PAN3: variants seen among roughly 807,000 people sequenced by gnomAD.
The protein encoded by PAN3 is poly(A) specific ribonuclease subunit PAN3, also known as PAN2-PAN3 deadenylation complex subunit PAN3.
PAN3 carries 19 observed loss-of-function variants against 96.2 expected under a neutral mutation model. The ratio of observed to expected loss-of-function variants is 0.20; its 90% CI spans 0.14 to 0.29. The LOEUF is 0.29. Ranked by LOEUF, PAN3 falls within the 10% of genes least tolerant of loss-of-function variation. The probability of loss-of-function intolerance (pLI) is 1.00; values close to 1 mark genes in which losing one functional copy is unlikely to be tolerated. For synonymous variants in PAN3, 433 were observed against 406.6 expected, an observed-to-expected ratio of 1.06 and a Z score of -0.78; for missense variants, 882 against 1,108.1, an observed-to-expected ratio of 0.80 and a Z score of 2.90.
At chr13:28,257,691 A>AAT (rs1173384487) in intron 7 of PAN3, among the ~76,000 whole-genome samples, 1 of 140,160 alleles carries the variant, frequency 7.1e-6, no homozygotes, top group South Asian at 2.1e-4. Context: ...AAATTATATA[A>AAT]ATATATATTA....
chr13:28,139,151 C>G, intron 1 of PAN3, 64 bp downstream of exon 1: 1 of 1,248,398 alleles, frequency 8.0e-7, no homozygotes, highest in Admixed American at 4.2e-5. Flanking sequence ...GGATGAGGCC[C>G]TGCTGCCGAC....
chr13:28,288,785 T>C (rs1869306179), intron 18 of PAN3, among the ~76,000 whole-genome samples: 1 of 152,122 alleles, frequency 6.6e-6, no homozygotes, highest in East Asian at 1.9e-4. Flanking sequence ...TTCCGAATCA[T>C]TGTGAGTTAT....
intron 1 of PAN3, among the ~76,000 whole-genome samples, chr13:28,170,406 G>A (rs990180785): frequency 1.3e-5 from 2 of 152,132 alleles, no homozygotes; most frequent in Admixed American, 1.3e-4. Flanking sequence ...AGTGGACCTT[G>A]CTTTCGAGGA....
At chr13:28,187,192 T>C (rs1876591989) in intron 4 of PAN3, among the ~76,000 whole-genome samples, 1 of 151,986 alleles carries the variant, frequency 6.6e-6, no homozygotes. Context: ...CTTGACTTGG[T>C]GGTGCACGCC....
chr13:28,221,438 T>G (rs540870181), intron 6 of PAN3, among the ~76,000 whole-genome samples: 1 of 152,188 alleles, frequency 6.6e-6, no homozygotes, highest in South Asian at 2.1e-4. Context: ...TGGTACTGTC[T>G]CCAGGGCTTA....
chr13:28,167,182 C>G (rs951734936), intron 1 of PAN3, among the ~76,000 whole-genome samples: 5 of 146,082 alleles, frequency 3.4e-5, no homozygotes, highest in African/African-American at 1.0e-4. Context: ...TTGTGGTACT[C>G]TCTTCCAATA....
At chr13:28,192,133 C>T (rs796089175) in intron 4 of PAN3, among the ~76,000 whole-genome samples, 18 of 150,782 alleles carry the variant, frequency 1.2e-4, no homozygotes, top group African/African-American at 4.4e-4. Flanking sequence ...GCAGCGGCAC[C>T]ATCTCAGCTC....
chr13:28,165,486 G>A (rs906130997), intron 1 of PAN3, among the ~76,000 whole-genome samples: 5 of 151,888 alleles, frequency 3.3e-5, no homozygotes, highest in African/African-American at 9.7e-5. Context: ...TATGTCCCAC[G>A]TGTACCATTT....
At chr13:28,144,508 C>A (rs1183063284) in intron 1 of PAN3, among the ~76,000 whole-genome samples, 1 of 151,714 alleles carries the variant, frequency 6.6e-6, no homozygotes, top group African/African-American at 2.4e-5. Context: ...AGCCACTGGG[C>A]CCGGCCGGTT....
At chr13:28,272,812 G>A (rs1044941545) in intron 14 of PAN3, among the ~76,000 whole-genome samples, 11 of 152,092 alleles carry the variant, frequency 7.2e-5, no homozygotes, top group African/African-American at 2.2e-4. Context: ...CAGGTGATCC[G>A]CCTGCCTCGG....
chr13:28,292,033 A>G (rs1372715835), intron 18 of PAN3, among the ~76,000 whole-genome samples: 1 of 152,172 alleles, frequency 6.6e-6, no homozygotes, highest in Non-Finnish European at 1.5e-5. Context: ...AGGAAAAAGT[A>G]CTTCCCACAG....
At chr13:28,201,087 C>T (rs1321123390) in intron 5 of PAN3, among the ~76,000 whole-genome samples, 3 of 151,452 alleles carry the variant, frequency 2.0e-5, no homozygotes, top group African/African-American at 7.3e-5. Context: ...GGCTGGAATG[C>T]AGTAATGCAA....
At chr13:28,275,971 C>T (rs568101379) in intron 14 of PAN3, among the ~76,000 whole-genome samples, 4 of 151,226 alleles carry the variant, frequency 2.6e-5, no homozygotes, top group Admixed American at 6.6e-5. Context: ...TGGAGTTTAA[C>T]GTCTTTTTAC....
chr13:28,167,739 G>C (rs1331684700), intron 1 of PAN3, among the ~76,000 whole-genome samples: 1 of 152,008 alleles, frequency 6.6e-6, no homozygotes. Context: ...ACCTATTTGG[G>C]GGCCTGAGGT....
intron 15 of PAN3, among the ~76,000 whole-genome samples, chr13:28,279,397 A>G (rs1354134697): frequency 6.6e-6 from 1 of 152,190 alleles, no homozygotes; most frequent in East Asian, 1.9e-4. Flanking sequence ...AATCTTTGCA[A>G]AACAACAGGA....
upstream of PAN3, among the ~76,000 whole-genome samples, chr13:28,138,348 C>G (rs1387164922): frequency 1.3e-5 from 2 of 152,278 alleles, no homozygotes; most frequent in Admixed American, 1.3e-4. Context: ...TTCCCCTGCC[C>G]GCGCCCTCGA....
chr13:28,272,286 CT>C (rs1886685451), intron 14 of PAN3: 2 of 361,830 alleles, frequency 5.5e-6, no homozygotes, highest in Non-Finnish European at 9.9e-6. Flanking sequence ...CCTTTCTATT[CT>C]TTTGCTTCTG....
chr13:28,236,012 G>A (rs956450912), intron 6 of PAN3, among the ~76,000 whole-genome samples: 3 of 151,470 alleles, frequency 2.0e-5, no homozygotes, highest in East Asian at 1.9e-4. Flanking sequence ...GATTACATAC[G>A]TGAACCCCGT....
intron 3 of PAN3, among the ~76,000 whole-genome samples, chr13:28,177,543 A>G (rs1295628247): frequency 6.6e-6 from 1 of 151,378 alleles, no homozygotes; most frequent in Non-Finnish European, 1.5e-5. Flanking sequence ...ATAAACCTTT[A>G]TTTACTTTAG....
Sources: allele counts gnomAD v4.1 joint callset (sites outside exome capture counted in the v4.1 genomes callset), GRCh38; gene constraint gnomAD v4.1.1; transcripts MANE v1.5; gene names NCBI Gene and HGNC (gene_info 2026-07-23, HGNC 2026-07-21).